TNR: variants seen among roughly 807,000 people sequenced by gnomAD.
TNR encodes the protein tenascin-R.
TNR carries 45 observed loss-of-function variants against 150.4 expected under a neutral mutation model. That is an observed-to-expected ratio of 0.30 (90% CI 0.24 to 0.38). TNR has a LOEUF of 0.38. Ranked by LOEUF, TNR falls within the 10% of genes least tolerant of loss-of-function variation. The probability of loss-of-function intolerance (pLI) is 1.00; values close to 1 mark genes in which losing one functional copy is unlikely to be tolerated. For synonymous variants in TNR, 687 were observed against 678.4 expected (o/e 1.01, Z -0.20); for missense variants, 1,544 against 1,759.1 (o/e 0.88, Z 2.19).
intron 1 of TNR, among the ~76,000 whole-genome samples, chr1:175,630,087 C>T (rs1048749703): frequency 1.4e-4 from 22 of 152,146 alleles, no homozygotes; most frequent in South Asian, 8.3e-4. Context: ...CTGCCTGCCA[C>T]GGCTGCTGAA....
intron 1 of TNR, among the ~76,000 whole-genome samples, chr1:175,710,575 G>A (rs1324431199): frequency 6.6e-6 from 1 of 152,064 alleles, no homozygotes; most frequent in African/African-American, 2.4e-5. Context: ...TCAGTACAGA[G>A]CCCTCCAGAC....
In TNR at chr1:175,386,861, G is replaced by A. The variant is rs147311766; in HGVS notation, c.1508-560C>T. The stretch of plus-strand genomic sequence containing the variant: ...TAAAAACCAACAGACATTTGCATAT[G>A]AGGACATGAAACATGCCTTCTGGGT... On this transcript the variant is annotated intron_variant, in intron 7 of 22. Coordinates refer to ENST00000367674, the MANE Select transcript of TNR (RefSeq NM_003285.3). Among the ~76,000 whole-genome samples, 8 of 152,350 alleles carry A rather than the reference G, an allele frequency of 5.3e-5. No individual in the cohort carries two copies. The East Asian group carries it at 1.5e-3, about 29-fold the overall frequency.
rs61756251 is a variant in TNR at position 175,324,377 on chromosome 1, G to A, written c.3936C>T (p.Tyr1312=). 5.9e-4 allele frequency: 956 copies of A among 1,613,876 alleles called. 3 individuals carry two copies. Among genetic ancestry groups the A allele is most frequent in the Non-Finnish European group, 7.7e-4 (911 of 1,179,982 alleles). ...NCHRTNLNGK[Y]GESRHSQGIN... ...TTACCTGACTGTGCCTGGACTCCCC[G>A]TACTTCCCATTGAGGTTGGTCCGGT... Residue 1312 remains tyrosine, a synonymous_variant, in exon 22 of 23, where the codon TAC becomes TAT. Transcript: ENST00000367674.
chr1:175,620,733 C>T (rs1663943697), intron 1 of TNR, among the ~76,000 whole-genome samples: 1 of 152,056 alleles, frequency 6.6e-6, no homozygotes, highest in African/African-American at 2.4e-5. Context: ...CTCTGGTGTC[C>T]AGCACTGCAA....
In TNR at chr1:175,403,122, G is replaced by C; in HGVS notation, c.976+18C>G. On this transcript the variant is annotated intron_variant, in intron 4 of 22. Coordinates refer to ENST00000367674, the MANE Select transcript of TNR (RefSeq NM_003285.3). ...TGGACCACCCTTGCCAAACACCCCA[G>C]AGAGTTCCCCTGCCTACCTGCTGAG... 6.3e-7 allele frequency: 1 copy of C among 1,597,056 alleles called. No homozygotes were observed. Among genetic ancestry groups the C allele is most frequent in the Non-Finnish European group, 8.6e-7 (1 of 1,167,750 alleles).
Position 175,362,660 on chromosome 1 carries a change from CA to C in TNR, c.2854+2del. ...ACTTGACACAGCAGGGAGACATTCC[CA>C]CCTGTGTGCACAAGAGTACAGATGC... is the stretch of plus-strand genomic sequence containing the variant. On this transcript the variant is annotated splice_donor_variant, in intron 14 of 22. Transcript: ENST00000367674. LOFTEE classifies it high-confidence loss of function. 1 of 1,613,298 alleles carries C rather than the reference CA, an allele frequency of 6.2e-7. No homozygotes were observed. The highest frequency in any genetic ancestry group is 8.5e-7 in the Non-Finnish European group (1 of 1,179,348).
intron 1 of TNR, among the ~76,000 whole-genome samples, chr1:175,686,388 C>T (rs1483124503): frequency 6.6e-6 from 1 of 152,232 alleles, no homozygotes; most frequent in Non-Finnish European, 1.5e-5. Flanking sequence ...GTAATGCTCA[C>T]ACCAAACATT....
rs183425664 is a variant in TNR at position 175,475,827 on chromosome 1, A to C, written c.-64+52442T>G. On this transcript the variant is annotated intron_variant, in intron 2 of 22. Coordinates refer to ENST00000367674, the MANE Select transcript of TNR (RefSeq NM_003285.3). ...CTTATTGTCAATACATAAATATAAG[A>C]AGGAGAATCCAAGAAATAATGAGCA... Among the ~76,000 whole-genome samples the C allele has an allele frequency of 1.0e-3, 158 of 152,336 alleles. 1 individual carries two copies. The highest frequency in any genetic ancestry group is 1.9e-3 in the Non-Finnish European group (131 of 68,026).
chr1:175,333,958 G>C (rs938531771), intron 20 of TNR, among the ~76,000 whole-genome samples: 28 of 152,210 alleles, frequency 1.8e-4, no homozygotes, highest in Non-Finnish European at 3.8e-4. Flanking sequence ...TGTGGAGTTT[G>C]GTGTTGGAGA....
chr1:175,422,202 A>G (rs1000536514), intron 2 of TNR, among the ~76,000 whole-genome samples: 11 of 152,200 alleles, frequency 7.2e-5, no homozygotes, highest in Non-Finnish European at 1.5e-5. Context: ...TGTGACAATC[A>G]TCTCCCTCTC....
At position 175,365,968 on chromosome 1, in the gene TNR, T is replaced by C; in HGVS notation, c.2224A>G (p.Thr742Ala). 1 of 1,614,050 alleles carries C rather than the reference T, an allele frequency of 6.2e-7. No individual in the cohort carries two copies. The highest frequency in any genetic ancestry group is 8.5e-7 in the Non-Finnish European group (1 of 1,179,988). The part of the protein sequence containing the change: ...VPKDRTSYTL[T>A]DLEPGAEYII... ...TACTCTGCCCCAGGCTCTAGATCTG[T>C]TAGTGTGTATGAGGTCCTGTCCTTG... Residue 742 changes from threonine (T) to alanine (A), a missense_variant, in exon 11 of 23, where the codon ACA (threonine) becomes GCA (alanine). This residue lies in a region of TNR where 1,254 missense variants were observed against 1,329.4 expected (regional missense o/e 0.94). Coordinates refer to ENST00000367674, the MANE Select transcript of TNR (RefSeq NM_003285.3).
At chr1:175,639,449 C>T (rs1218494157) in intron 1 of TNR, among the ~76,000 whole-genome samples, 1 of 152,244 alleles carries the variant, frequency 6.6e-6, no homozygotes, top group African/African-American at 2.4e-5. Flanking sequence ...AGTGCTCTCA[C>T]TGAGGTGCCC....
At position 175,599,488 on chromosome 1, in the gene TNR, C is replaced by T. The variant is rs1003398828; in HGVS notation, c.-164-71119G>A. Reference sequence around the variant, plus strand: ...AGACTTGGGGTCTTGCGATCGCCGCCGAGTGACGGAGTAATTCGCAGATGC... The same window carrying T: ...AGACTTGGGGTCTTGCGATCGCCGCTGAGTGACGGAGTAATTCGCAGATGC... On this transcript the variant is annotated intron_variant, in intron 1 of 22. Transcript: ENST00000367674. The surrounding 1 kb of genome is among the most constrained non-coding windows in gnomAD (Gnocchi z 4.7). Among the ~76,000 whole-genome samples the T allele has an allele frequency of 1.3e-5, 2 of 152,338 alleles. No homozygotes were observed. Among genetic ancestry groups the T allele is most frequent in the African/African-American group, 2.4e-5 (1 of 41,584 alleles).
At chr1:175,360,390 G>C (rs1651535731) in intron 14 of TNR, among the ~76,000 whole-genome samples, 1 of 152,224 alleles carries the variant, frequency 6.6e-6, no homozygotes, top group South Asian at 2.1e-4. Flanking sequence ...GTTGCATTAA[G>C]AGTCAAGAGG....
chr1:175,615,657 C>T (rs547546531), intron 1 of TNR, among the ~76,000 whole-genome samples: 25 of 152,352 alleles, frequency 1.6e-4, no homozygotes, highest in African/African-American at 6.0e-4. Flanking sequence ...CTCAGGACTT[C>T]AGCGTCCTCC....
chr1:175,335,618 G>A, intron 20 of TNR, 93 bp downstream of exon 20: 1 of 1,257,228 alleles, frequency 8.0e-7, no homozygotes, highest in Admixed American at 2.1e-5. Flanking sequence ...AACAAACACA[G>A]GGTTTCTGAT....
intron 1 of TNR, among the ~76,000 whole-genome samples, chr1:175,657,853 G>GTATGTATATATATATATATATATATA (rs1665231476): frequency 2.8e-5 from 2 of 70,460 alleles, no homozygotes; most frequent in Admixed American, 1.5e-4. Flanking sequence ...CATGGAACAT[G>GTATGTATATATATATATATATATATA]TATATATATA....
At chr1:175,424,330 G>A (rs1321561821) in intron 2 of TNR, among the ~76,000 whole-genome samples, 2 of 152,202 alleles carry the variant, frequency 1.3e-5, no homozygotes, top group East Asian at 3.9e-4. Flanking sequence ...GCCTGGCCAG[G>A]CAGTGGTGGG....
At chr1:175,611,143 G>A (rs945130662) in intron 1 of TNR, among the ~76,000 whole-genome samples, 1 of 152,080 alleles carries the variant, frequency 6.6e-6, no homozygotes, top group African/African-American at 2.4e-5. Context: ...AAAATTGCAG[G>A]CTAATTTAAC....
Sources: allele counts gnomAD v4.1 joint callset (sites outside exome capture counted in the v4.1 genomes callset), GRCh38; gene constraint gnomAD v4.1.1; regional missense constraint gnomAD v4.1.1; non-coding constraint Gnocchi (gnomAD v3.1); transcripts MANE v1.5; gene names NCBI Gene and HGNC (gene_info 2026-07-23, HGNC 2026-07-21).